VRK2: variants seen among roughly 807,000 people sequenced by gnomAD.
VRK2 encodes the protein serine/threonine-protein kinase VRK2.
In VRK2, 60 loss-of-function variants were observed where a neutral mutation model predicts 57.6. The ratio of observed to expected loss-of-function variants is 1.04; its 90% CI spans 0.85 to 1.29. VRK2 has a LOEUF of 1.29. VRK2 is among the 50% of genes most tolerant of loss of function. The pLI is 0.00. For synonymous variants in VRK2, 231 were observed against 199.2 expected (o/e 1.16, Z -1.35); for missense variants, 705 against 588.1 (o/e 1.20, Z -2.06).
At chr2:58,006,854 T>G (rs1031960286) in intron 1 of VRK2, among the ~76,000 whole-genome samples, 3 of 152,102 alleles carry the variant, frequency 2.0e-5, no homozygotes, top group Admixed American at 2.0e-4. Flanking sequence ...CTAGGTCAAG[T>G]GAACAGAAGT....
chr2:57,991,272 G>C (rs541817636), intron 1 of VRK2, among the ~76,000 whole-genome samples: 142 of 151,642 alleles, frequency 9.4e-4, no homozygotes, highest in Non-Finnish European at 5.9e-5. Context: ...ATTTTATATC[G>C]TAATGTGGTA....
At chr2:57,911,901 T>C (rs1051469809) in intron 1 of VRK2, among the ~76,000 whole-genome samples, 1 of 152,228 alleles carries the variant, frequency 6.6e-6, no homozygotes, top group Non-Finnish European at 1.5e-5. Flanking sequence ...GACTTAATGC[T>C]ATTCACTGGG....
chr2:57,949,543 G>A (rs990687104), intron 1 of VRK2, among the ~76,000 whole-genome samples: 1 of 152,126 alleles, frequency 6.6e-6, no homozygotes, highest in African/African-American at 2.4e-5. Flanking sequence ...TAAATGTCGT[G>A]TGTGTTTTTA....
intron 2 of VRK2, among the ~76,000 whole-genome samples, chr2:58,026,274 T>C (rs968705097): frequency 9.2e-5 from 14 of 151,860 alleles, no homozygotes; most frequent in African/African-American, 3.4e-4. Context: ...GTGAGACTAA[T>C]TGTGTGTGTG....
At chr2:58,156,828 T>C (rs1429721914) in intron 12 of VRK2, among the ~76,000 whole-genome samples, 1 of 152,200 alleles carries the variant, frequency 6.6e-6, no homozygotes, top group Non-Finnish European at 1.5e-5. Flanking sequence ...AATTGTACCA[T>C]CTGGATCAGC....
intron 7 of VRK2, among the ~76,000 whole-genome samples, chr2:58,120,670 A>G (rs1292408534): frequency 6.6e-6 from 1 of 152,176 alleles, no homozygotes; most frequent in Non-Finnish European, 1.5e-5. Flanking sequence ...CTTTTCTTAG[A>G]GCATTAACTT....
chr2:58,152,694 A>AT lies in VRK2; in HGVS notation c.1182+6229dup, dbSNP rs770296118. Among the ~76,000 whole-genome samples the AT allele has an allele frequency of 2.1e-3, 312 of 150,054 alleles. 4 individuals carry two copies. In the East Asian group the frequency reaches 0.04, roughly 19 times the overall value. ...CTGAAAATATTTGTATTTCACCTGCATTTTTTTTTGTAGTGGTGGATTTAT... is the reference window on the plus strand; with the variant it reads ...CTGAAAATATTTGTATTTCACCTGCATTTTTTTTTTGTAGTGGTGGATTTAT... On this transcript the variant is annotated intron_variant, in intron 12 of 12. Transcript: ENST00000340157.
intron 1 of VRK2, among the ~76,000 whole-genome samples, chr2:57,944,596 C>A (rs1462142877): frequency 2.6e-5 from 4 of 152,012 alleles, no homozygotes; most frequent in Non-Finnish European, 4.4e-5. Flanking sequence ...ATTGGTCAGG[C>A]GTGGTGGCGG....
chr2:57,950,437 C>T (rs895781339), intron 1 of VRK2, among the ~76,000 whole-genome samples: 17 of 152,174 alleles, frequency 1.1e-4, no homozygotes, highest in Admixed American at 7.9e-4. Context: ...AATGGAACAA[C>T]AGTCTGGATG....
At chr2:58,027,247 T>A (rs1341259182) in intron 2 of VRK2, among the ~76,000 whole-genome samples, 1 of 151,612 alleles carries the variant, frequency 6.6e-6, no homozygotes, top group Non-Finnish European at 1.5e-5. Flanking sequence ...TGAGAAAAAA[T>A]CTCACTGGAG....
intron 1 of VRK2, among the ~76,000 whole-genome samples, chr2:57,970,803 A>T (rs969662017): frequency 6.6e-6 from 1 of 151,746 alleles, no homozygotes; most frequent in African/African-American, 2.4e-5. Context: ...CTATAATTCT[A>T]CTCTCTTCTC....
At chr2:58,038,389 C>T (rs148178227) in intron 3 of VRK2, among the ~76,000 whole-genome samples, 1 of 152,226 alleles carries the variant, frequency 6.6e-6, no homozygotes, top group East Asian at 1.9e-4. Context: ...CTCAGATATT[C>T]CTTAATAGCA....
chr2:57,939,035 C>G (rs1047892859), intron 1 of VRK2, among the ~76,000 whole-genome samples: 3 of 151,948 alleles, frequency 2.0e-5, no homozygotes, highest in African/African-American at 7.3e-5. Context: ...AATAGTGAAG[C>G]CTGAAACTAT....
intron 1 of VRK2, among the ~76,000 whole-genome samples, chr2:57,966,831 TG>T (rs1671933354): frequency 6.6e-6 from 1 of 152,174 alleles, no homozygotes; most frequent in Non-Finnish European, 1.5e-5. Flanking sequence ...AAATATTCAA[TG>T]TATATTGACT....
intron 1 of VRK2, among the ~76,000 whole-genome samples, chr2:58,000,512 A>G (rs1379070942): frequency 2.0e-5 from 3 of 152,210 alleles, no homozygotes; most frequent in African/African-American, 7.2e-5. Flanking sequence ...TCATTTTAAT[A>G]AGAGAAAAGA....
chr2:57,979,879 G>A (rs951422587), intron 1 of VRK2, among the ~76,000 whole-genome samples: 2 of 152,010 alleles, frequency 1.3e-5, no homozygotes, highest in African/African-American at 4.8e-5. Flanking sequence ...AGGATTTGTG[G>A]TAATGCTCCC....
chr2:58,094,911 G>A (rs1385365255), intron 7 of VRK2, among the ~76,000 whole-genome samples: 1 of 152,066 alleles, frequency 6.6e-6, no homozygotes, highest in African/African-American at 2.4e-5. Flanking sequence ...ACATTGGATT[G>A]GACTAGTAGT....
intron 10 of VRK2, among the ~76,000 whole-genome samples, chr2:58,138,212 A>G (rs1310438830): frequency 6.6e-6 from 1 of 152,196 alleles, no homozygotes; most frequent in Admixed American, 6.5e-5. Flanking sequence ...TTTATATTAA[A>G]ATAGTAGTGA....
At chr2:58,083,273 C>T (rs1460467179) in intron 2 of VRK2, among the ~76,000 whole-genome samples, 1 of 151,454 alleles carries the variant, frequency 6.6e-6, no homozygotes, top group Non-Finnish European at 1.5e-5. Flanking sequence ...GGAGAGTGAA[C>T]AAATGAACAA....
Sources: gnomAD v4.1 joint callset for allele counts (sites outside exome capture counted in the v4.1 genomes callset) on GRCh38, gnomAD v4.1.1 for gene constraint, MANE v1.5 for transcripts, NCBI Gene and HGNC (gene_info 2026-07-23, HGNC 2026-07-21) for gene names.